DNAAF1: variants seen among roughly 807,000 people sequenced by gnomAD.
DNAAF1 encodes dynein axonemal assembly factor 1, also known as dynein assembly factor 1, axonemal.
In DNAAF1, 65 loss-of-function variants were observed where a neutral mutation model predicts 71.1. The ratio of observed to expected loss-of-function variants is 0.91; its 90% CI spans 0.75 to 1.12. The LOEUF is 1.12. DNAAF1 is among the 50% of genes most tolerant of loss of function. The pLI is 0.00. For missense variants in DNAAF1, 1,178 were observed against 899.8 expected (o/e 1.31, Z -3.96); for synonymous variants, 414 against 354.6 (o/e 1.17, Z -1.88).
intron 9 of DNAAF1, chr16:84,173,090 C>T: frequency 3.0e-6 from 3 of 986,466 alleles, no homozygotes; most frequent in Non-Finnish European, 3.6e-6. Flanking sequence ...AGGTGGTCCC[C>T]TGCCCACTTC....
chr16:84,154,488 G>C (rs1176586190), intron 3 of DNAAF1, 89 bp from the exon 4 acceptor site: 2 of 1,116,042 alleles, frequency 1.8e-6, no homozygotes, highest in Non-Finnish European at 1.3e-6. Context: ...CAGACATTCA[G>C]TTCCTAATAG....
chr16:84,163,738 T>A (rs758011703), intron 6 of DNAAF1, among the ~76,000 whole-genome samples: 5 of 152,184 alleles, frequency 3.3e-5, no homozygotes, highest in Admixed American at 1.3e-4. Context: ...GTGGTTTCCA[T>A]CTGCTTTTCC....
intron 9 of DNAAF1, chr16:84,172,664 T>G (rs1274997575): frequency 7.9e-7 from 1 of 1,262,972 alleles, no homozygotes; most frequent in South Asian, 1.6e-5. Context: ...TACCAAACTC[T>G]TGATTCCTTT....
chr16:84,145,401 C>G lies in DNAAF1; in HGVS notation c.-40C>G, dbSNP rs754817465. 6.4e-7 allele frequency: 1 copy of G among 1,567,856 alleles called. No homozygotes were observed. The highest frequency in any genetic ancestry group is 1.9e-5 in the Admixed American group (1 of 52,378). Reference sequence around the variant, plus strand: ...AGCGACGTCCGCCGCGAACCTGGGCCCCCCAAAGCTGCGGGGCGTTCGGTG... The same window carrying G: ...AGCGACGTCCGCCGCGAACCTGGGCGCCCCAAAGCTGCGGGGCGTTCGGTG... On this transcript the variant is annotated 5_prime_UTR_variant, in exon 1 of 12. Transcript: ENST00000378553.
intron 6 of DNAAF1, among the ~76,000 whole-genome samples, chr16:84,165,099 C>G (rs8057153): frequency 0.37 from 56,768 of 151,876 alleles, 10,591 homozygotes; most frequent in Non-Finnish European, 0.4. Context: ...TTTTTTATTG[C>G]GTTGTTTCCT....
At position 84,175,725 on chromosome 16, in the gene DNAAF1, G is replaced by C. The variant is rs564405386; in HGVS notation, c.1699-208G>C. 5.0e-4 allele frequency: 304 copies of C among 610,648 alleles called. 1 individual carries two copies. In the African/African-American group the frequency reaches 5.2e-3, roughly 10 times the overall value. 37.8% of individuals were successfully genotyped at this position (610,648 alleles called of 1,614,324 possible). A position where few individuals can be genotyped will look rare whatever the true frequency, so the allele number is the denominator to read the frequency against. On this transcript the variant is annotated intron_variant, in intron 10 of 11. Transcript: ENST00000378553. ...CCAGTGGCTGGGGGAGCAGAGGGCA[G>C]AGAGAAGGGCATAGACATGAGCTGT...
intron 3 of DNAAF1, among the ~76,000 whole-genome samples, chr16:84,151,628 T>C (rs2087185702): frequency 6.6e-6 from 1 of 152,190 alleles, no homozygotes. Flanking sequence ...GCCCTGAAAC[T>C]TAGCAACTTC....
chr16:84,147,548 T>C (rs771968143), intron 1 of DNAAF1, among the ~76,000 whole-genome samples: 43 of 152,136 alleles, frequency 2.8e-4, no homozygotes, highest in Non-Finnish European at 5.3e-4. Flanking sequence ...AATCTCACTA[T>C]GTTACCCAGG....
At chr16:84,152,637 GATT>G (rs1415007793) in intron 3 of DNAAF1, among the ~76,000 whole-genome samples, 1 of 132,054 alleles carries the variant, frequency 7.6e-6, no homozygotes, top group African/African-American at 2.9e-5. Flanking sequence ...GACAGAGCAA[GATT>G]CTGTCTCAAA....
At position 84,172,752 on chromosome 16, in the gene DNAAF1, A is replaced by G. The variant is rs558897549; in HGVS notation, c.1644+377A>G. On this transcript the variant is annotated intron_variant, in intron 9 of 11. Transcript: ENST00000378553. ...TTCGTGGTGAGAGTTACATTGTATC[A>G]TCAGTTACATTGTATCTTTATACAT... is the stretch of plus-strand genomic sequence containing the variant. 7.3e-4 allele frequency: 846 copies of G among 1,153,026 alleles called. 1 individual carries two copies. Among genetic ancestry groups the G allele is most frequent in the Non-Finnish European group, 8.8e-4 (819 of 925,758 alleles). The allele number at this position is 1,153,026 out of a possible 1,614,324, so 71.4% of individuals were successfully genotyped here. A position where few individuals can be genotyped will look rare whatever the true frequency, so the allele number is the denominator to read the frequency against.
rs1199456746 is a variant in DNAAF1, at chr16:84,177,907, T to C, written c.*66T>C. ...ATGTCTCCCTTAGGCATGATAAACA[T>C]TTTAACACCCACGCGAGTCAGTGTA... On this transcript the variant is annotated 3_prime_UTR_variant, in exon 12 of 12. Transcript: ENST00000378553. 7.5e-6 allele frequency: 10 copies of C among 1,332,962 alleles called. No individual in the cohort carries two copies. Among genetic ancestry groups the C allele is most frequent in the South Asian group, 1.2e-5 (1 of 85,300 alleles). 82.6% of individuals were successfully genotyped at this position (1,332,962 alleles called of 1,614,324 possible).
At chr16:84,153,016 GTA>G (rs2087255528) in intron 3 of DNAAF1, among the ~76,000 whole-genome samples, 1 of 151,856 alleles carries the variant, frequency 6.6e-6, no homozygotes, top group Non-Finnish European at 1.5e-5. Context: ...GACCTTATTT[GTA>G]TGTTGATTCA....
chr16:84,175,899 A>G (rs1597496129), intron 10 of DNAAF1, 34 bp from the exon 11 acceptor site: 1 of 1,612,256 alleles, frequency 6.2e-7, no homozygotes, highest in South Asian at 1.1e-5. Flanking sequence ...TTGTGAAAAC[A>G]GAAACTTTCA....
At chr16:84,173,997 G>C (rs1028585094) in intron 9 of DNAAF1, 1 of 164,040 alleles carries the variant, frequency 6.1e-6, no homozygotes, top group Non-Finnish European at 1.3e-5. Context: ...AGCATGACTT[G>C]TATTGATTGA....
chr16:84,169,997 G>A lies in DNAAF1; in HGVS notation c.1169G>A (p.Cys390Tyr). 6.2e-7 allele frequency: 1 copy of A among 1,613,940 alleles called. No homozygotes were observed. The highest frequency in any genetic ancestry group is 8.5e-7 in the Non-Finnish European group (1 of 1,180,036). ...AGCTTTGAGGCCAAGGACGAGCTCT[G>A]CCCGGAAAAGCCAAGTGGAGAGGAG... The part of the protein sequence containing the change: ...KESFEAKDEL[C>Y]PEKPSGEEPP... Residue 390 changes from cysteine to tyrosine, a missense_variant, in exon 8 of 12, where the codon TGC becomes TAC. By Grantham distance (194) the Cys-to-Tyr change is radical. Coordinates refer to ENST00000378553, the MANE Select transcript of DNAAF1 (RefSeq NM_178452.6).
At position 84,159,272 on chromosome 16, in the gene DNAAF1, G is replaced by T. The variant is rs1444100167; in HGVS notation, c.742-403G>T. The T allele has an allele frequency of 2.7e-5, 30 of 1,107,820 alleles. No homozygotes were observed. In the South Asian group the frequency reaches 5.3e-4, roughly 20 times the overall value. 68.6% of individuals were successfully genotyped at this position (1,107,820 alleles called of 1,614,324 possible). On this transcript the variant is annotated intron_variant, in intron 5 of 11. Transcript: ENST00000378553. ...TGCTGCTTCTCTGTCTAGCGGCTGT[G>T]TGCGTTTTGGTAAAATGGATCCTGG... is the stretch of plus-strand genomic sequence containing the variant.
At chr16:84,176,544 T>A in intron 11 of DNAAF1, 1 of 577,418 alleles carries the variant, frequency 1.7e-6, no homozygotes, top group Non-Finnish European at 3.1e-6. Context: ...CAGCCGAGTC[T>A]GACTGTGTGT....
Position 84,175,798 on chromosome 16 carries a change from C to T in DNAAF1, c.1699-135C>T, listed in dbSNP as rs566476743. The T allele has an allele frequency of 1.7e-5, 20 of 1,148,022 alleles. No homozygotes were observed. The East Asian group carries it at 4.2e-4, about 24-fold the overall frequency. The allele number at this position is 1,148,022 out of a possible 1,614,324, so 71.1% of individuals were successfully genotyped here. ...GGCCTAACTTTCAGAGTCCTGTGTT[C>T]CCTTGGGCCTTTCTTGGATGTGGCA... On this transcript the variant is annotated intron_variant, in intron 10 of 11. Coordinates refer to ENST00000378553, the MANE Select transcript of DNAAF1 (RefSeq NM_178452.6).
chr16:84,166,027 A>G, intron 7 of DNAAF1, 78 bp downstream of exon 7: 2 of 1,445,414 alleles, frequency 1.4e-6, no homozygotes, highest in South Asian at 2.4e-5. Context: ...CCCAGTCTTT[A>G]ATCTTGGGAA....
Sources: allele counts gnomAD v4.1 joint callset (sites outside exome capture counted in the v4.1 genomes callset), GRCh38; gene constraint gnomAD v4.1.1; transcripts MANE v1.5; gene names NCBI Gene and HGNC (gene_info 2026-07-23, HGNC 2026-07-21).